FAM210B: variants seen among roughly 807,000 people sequenced by gnomAD.
FAM210B encodes family with sequence similarity 210 member B.
FAM210B carries 11 observed loss-of-function variants against 14.9 expected under a neutral mutation model. The observed-to-expected ratio is 0.74, with a 90% CI of 0.46 to 1.22. FAM210B has a LOEUF of 1.22. Among genes scored for constraint, FAM210B ranks in the 50% most tolerant of loss-of-function variants. The pLI is 0.00. For synonymous variants in FAM210B, 113 were observed against 110.2 expected, an observed-to-expected ratio of 1.03 and a Z score of -0.16; for missense variants, 229 against 250.1, an observed-to-expected ratio of 0.92 and a Z score of 0.57.
At position 56,361,705 on chromosome 20, in the gene FAM210B, G is replaced by C. The variant is rs529144585; in HGVS notation, c.186+2514G>C. On this transcript the variant is annotated intron_variant, in intron 1 of 2. Transcript: ENST00000371384. ...TAAAATTAGAGATGAGGCCGGGCGC[G>C]GTGGCTCACGCCTGTAATCCCAGCA... 1.1e-4 allele frequency among the ~76,000 whole-genome samples: 16 copies of C among 152,216 alleles called. No individual in the cohort carries two copies. The South Asian group carries it at 3.3e-3, about 32-fold the overall frequency.
intron 1 of FAM210B, among the ~76,000 whole-genome samples, chr20:56,361,848 G>A (rs780657140): frequency 5.9e-5 from 9 of 151,936 alleles, no homozygotes; most frequent in Non-Finnish European, 1.0e-4. Flanking sequence ...ATAGTGGCAC[G>A]TGCCTGTAGT....
In FAM210B at chr20:56,366,487, A is replaced by G. The variant is rs948107065; in HGVS notation, c.*200A>G. ...TTGCCTCATAAATTTTGTGAATGCT[A>G]TTCATTATAGGGCTTGTATATATAA... On this transcript the variant is annotated 3_prime_UTR_variant, in exon 3 of 3. Transcript: ENST00000371384. 1 of 586,214 alleles carries G rather than the reference A, an allele frequency of 1.7e-6. No individual in the cohort carries two copies. The highest frequency in any genetic ancestry group is 3.1e-5 in the Admixed American group (1 of 32,316). 36.3% of individuals were successfully genotyped at this position (586,214 alleles called of 1,614,324 possible). A position where few individuals can be genotyped will look rare whatever the true frequency, so the allele number is the denominator to read the frequency against.
At position 56,366,308 on chromosome 20, in the gene FAM210B, A is replaced by G; in HGVS notation, c.*21A>G. On this transcript the variant is annotated 3_prime_UTR_variant, in exon 3 of 3. Coordinates refer to ENST00000371384, the MANE Select transcript of FAM210B (RefSeq NM_080821.3). ...CTTAATGAACTCTTCAGTCGTACAC[A>G]CTGAAAACCTATTTCTTCTAAATTA... The G allele has an allele frequency of 6.2e-7, 1 of 1,605,190 alleles. No homozygotes were observed. The highest frequency in any genetic ancestry group is 8.5e-7 in the Non-Finnish European group (1 of 1,172,320).
rs1336420090 is a variant in FAM210B, at chr20:56,368,457, A to C, written c.*2170A>C. On this transcript the variant is annotated 3_prime_UTR_variant, in exon 3 of 3. Transcript: ENST00000371384. Reference sequence around the variant, plus strand: ...GCAAGCAATAAAACAAATCATACCAAAAAGCCACATTGCTCTCTCCTAAGC... The same window carrying C: ...GCAAGCAATAAAACAAATCATACCACAAAGCCACATTGCTCTCTCCTAAGC... The C allele has an allele frequency of 2.0e-5, 3 of 152,234 alleles. No homozygotes were observed. Among genetic ancestry groups the C allele is most frequent in the Non-Finnish European group, 4.4e-5 (3 of 68,048 alleles). The allele number at this position is 152,234 out of a possible 1,614,324, so 9.4% of individuals were successfully genotyped here.
intron 1 of FAM210B, among the ~76,000 whole-genome samples, chr20:56,361,597 C>A (rs931393488): frequency 1.3e-5 from 2 of 152,170 alleles, no homozygotes; most frequent in African/African-American, 2.4e-5. Context: ...CCTCTCTGGG[C>A]TTCTCAGATC....
rs1367530272 is a variant in FAM210B at position 56,366,350 on chromosome 20, T to G, written c.*63T>G. 4.7e-6 allele frequency: 7 copies of G among 1,503,286 alleles called. No homozygotes were observed. The highest frequency in any genetic ancestry group is 5.5e-6 in the Non-Finnish European group (6 of 1,089,472). 93.1% of individuals were successfully genotyped at this position (1,503,286 alleles called of 1,614,324 possible). Reference sequence around the variant, plus strand: ...TCTAAATTACATGATTTGGATTGGTTTTAGGGTTTTAGGGTTGTAGGGTTT... The same window carrying G: ...TCTAAATTACATGATTTGGATTGGTGTTAGGGTTTTAGGGTTGTAGGGTTT... On this transcript the variant is annotated 3_prime_UTR_variant, in exon 3 of 3. Transcript: ENST00000371384.
rs139607043 is a variant in FAM210B, at chr20:56,364,080, G to T, written c.187-1007G>T. Among the ~76,000 whole-genome samples the T allele has an allele frequency of 2.6e-3, 391 of 152,308 alleles. 4 individuals carry two copies. Among genetic ancestry groups the T allele is most frequent in the African/African-American group, 8.8e-3 (364 of 41,566 alleles). ...ACCACCTGGCTCAGAGAAAATGCTT[G>T]ATAAAGGATCATTGTCCCCAAGCTT... On this transcript the variant is annotated intron_variant, in intron 1 of 2. Coordinates refer to ENST00000371384, the MANE Select transcript of FAM210B (RefSeq NM_080821.3).
Position 56,359,023 on chromosome 20 carries a change from G to A in FAM210B, c.18G>A (p.Ala6=), listed in dbSNP as rs1402649646. Residue 6 remains alanine (A), a synonymous_variant, in exon 1 of 3, where the codon GCG becomes GCA. Transcript: ENST00000371384. This position sits in a 1 kb window ranked among gnomAD's most constrained non-coding sequence, Gnocchi z 4.3. MAGLL[A]LLGPAGRVGA... is the part of the protein sequence containing the mutation. ...TGCGCACCATGGCCGGGTTGCTGGC[G>A]TTGCTGGGTCCGGCAGGCAGGGTGG... 3 of 1,339,428 alleles carry A rather than the reference G, an allele frequency of 2.2e-6. No individual in the cohort carries two copies. Among genetic ancestry groups the A allele is most frequent in the South Asian group, 1.7e-5 (1 of 60,508 alleles). 83.0% of individuals were successfully genotyped at this position (1,339,428 alleles called of 1,614,324 possible). A position where few individuals can be genotyped will look rare whatever the true frequency, so the allele number is the denominator to read the frequency against.
In FAM210B at chr20:56,365,933, T is replaced by G. The variant is rs1399084267; in HGVS notation, c.363-138T>G. 9.9e-6 allele frequency: 6 copies of G among 605,232 alleles called. No individual in the cohort carries two copies. In the East Asian group the frequency reaches 1.6e-4, roughly 16 times the overall value. The allele number at this position is 605,232 out of a possible 1,614,324, so 37.5% of individuals were successfully genotyped here. The stretch of plus-strand genomic sequence containing the variant: ...TGCTAGGATTACAGGCGTGAGCCAC[T>G]GCACCTGGCCACTAAGACTTTTATT... On this transcript the variant is annotated intron_variant, in intron 2 of 2. Coordinates refer to ENST00000371384, the MANE Select transcript of FAM210B (RefSeq NM_080821.3).
chr20:56,359,062 G>A lies in FAM210B; in HGVS notation c.57G>A (p.Arg19=). 1 of 1,356,480 alleles carries A rather than the reference G, an allele frequency of 7.4e-7. No homozygotes were observed. Among genetic ancestry groups the A allele is most frequent in the Non-Finnish European group, 9.5e-7 (1 of 1,049,514 alleles). 84.0% of individuals were successfully genotyped at this position (1,356,480 alleles called of 1,614,324 possible). A position where few individuals can be genotyped will look rare whatever the true frequency, so the allele number is the denominator to read the frequency against. Residue 19 remains arginine, a synonymous_variant, in exon 1 of 3, where the codon CGG becomes CGA. Coordinates refer to ENST00000371384, the MANE Select transcript of FAM210B (RefSeq NM_080821.3). The surrounding 1 kb of genome is among the most constrained non-coding windows in gnomAD (Gnocchi z 4.3). ...GPAGRVGARV[R]PRATWLLGAT... is the part of the protein sequence containing the mutation. ...CAGGCAGGGTGGGCGCCCGGGTCCG[G>A]CCTCGCGCCACCTGGCTCCTGGGCG...
rs148836702 is a variant in FAM210B, at chr20:56,365,092, C to T, written c.192C>T (p.Pro64=). Residue 64 remains proline, a synonymous_variant, in exon 2 of 3, where the codon CCC becomes CCT. Transcript: ENST00000371384. ...CTTCTCTGATTTGTACACAGGACCCCAGCCAGGCCACGGGGACAACAGGCA... is the reference window on the plus strand; with the variant it reads ...CTTCTCTGATTTGTACACAGGACCCTAGCCAGGCCACGGGGACAACAGGCA... ...ARGDCRGHQD[P]SQATGTTGSS... is the part of the protein sequence containing the mutation. The T allele has an allele frequency of 2.2e-3, 3,522 of 1,612,740 alleles. 10 individuals carry two copies. The highest frequency in any genetic ancestry group is 3.7e-3 in the South Asian group (336 of 90,976).
In FAM210B at chr20:56,366,437, C is replaced by T; in HGVS notation, c.*150C>T. ...ATGGATAAACTTTGCCAGCAAAAAT[C>T]AGGCTTTTGAACAATTTTAATTTTT... On this transcript the variant is annotated 3_prime_UTR_variant, in exon 3 of 3. Coordinates refer to ENST00000371384, the MANE Select transcript of FAM210B (RefSeq NM_080821.3). The T allele has an allele frequency of 5.5e-6, 4 of 723,024 alleles. No individual in the cohort carries two copies. The highest frequency in any genetic ancestry group is 3.2e-4 in the Middle Eastern group (1 of 3,078). 44.8% of individuals were successfully genotyped at this position (723,024 alleles called of 1,614,324 possible).
chr20:56,361,442 G>A (rs1195128968), intron 1 of FAM210B, among the ~76,000 whole-genome samples: 3 of 152,146 alleles, frequency 2.0e-5, no homozygotes, highest in African/African-American at 7.2e-5. Context: ...ACTGAGAACA[G>A]TGCCTGGCAC....
rs1983688329 is a variant in FAM210B, at chr20:56,368,185, A to T, written c.*1898A>T. The T allele has an allele frequency of 6.6e-6, 1 of 152,664 alleles. No homozygotes were observed. Among genetic ancestry groups the T allele is most frequent in the Non-Finnish European group, 1.5e-5 (1 of 68,046 alleles). The allele number at this position is 152,664 out of a possible 1,614,324, so 9.5% of individuals were successfully genotyped here. A position where few individuals can be genotyped will look rare whatever the true frequency, so the allele number is the denominator to read the frequency against. Reference sequence around the variant, plus strand: ...GATCTAATTCCAAGGACTTCTCCACAGCTAAGTGAGATGCCTCACACCATT... The same window carrying T: ...GATCTAATTCCAAGGACTTCTCCACTGCTAAGTGAGATGCCTCACACCATT... On this transcript the variant is annotated 3_prime_UTR_variant, in exon 3 of 3. Coordinates refer to ENST00000371384, the MANE Select transcript of FAM210B (RefSeq NM_080821.3).
Position 56,359,233 on chromosome 20 carries a change from G to C in FAM210B, c.186+42G>C. The C allele has an allele frequency of 3.3e-6, 4 of 1,218,806 alleles. No individual in the cohort carries two copies. Among genetic ancestry groups the C allele is most frequent in the Non-Finnish European group, 4.1e-6 (4 of 980,186 alleles). 75.5% of individuals were successfully genotyped at this position (1,218,806 alleles called of 1,614,324 possible). A position where few individuals can be genotyped will look rare whatever the true frequency, so the allele number is the denominator to read the frequency against. On this transcript the variant is annotated intron_variant, in intron 1 of 2. Transcript: ENST00000371384. The surrounding 1 kb of genome is among the most constrained non-coding windows in gnomAD (Gnocchi z 4.3). ...GACCCTGATCCCGGGCGGTGTCCAG[G>C]TCCCCAGACGTCCGCAGGGCCGCGC... is the stretch of plus-strand genomic sequence containing the variant.
At chr20:56,364,371 C>T (rs552228676) in intron 1 of FAM210B, among the ~76,000 whole-genome samples, 6 of 152,326 alleles carry the variant, frequency 3.9e-5, no homozygotes, top group African/African-American at 1.4e-4. Flanking sequence ...ATCTTCAGCT[C>T]TCTCACTCTG....
At chr20:56,361,252 C>A (rs1042993511) in intron 1 of FAM210B, among the ~76,000 whole-genome samples, 3 of 152,086 alleles carry the variant, frequency 2.0e-5, no homozygotes, top group African/African-American at 7.3e-5. Flanking sequence ...TCCCTGATGG[C>A]CTTATTTAAC....
In FAM210B at chr20:56,365,994, T is replaced by TGCTG; in HGVS notation, c.363-77_363-76insGCTG. On this transcript the variant is annotated intron_variant, in intron 2 of 2. Coordinates refer to ENST00000371384, the MANE Select transcript of FAM210B (RefSeq NM_080821.3). ...CTTCATTACATTTTTTAAAATACTG[T>TGCTG]AAATCTTATAGCCAAATCAATTTCT... 2.1e-6 allele frequency: 2 copies of TGCTG among 955,162 alleles called. 1 individual carries two copies. The highest frequency in any genetic ancestry group is 3.0e-6 in the Non-Finnish European group (2 of 670,290). 59.2% of individuals were successfully genotyped at this position (955,162 alleles called of 1,614,324 possible).
chr20:56,364,717 G>A (rs1378757065), intron 1 of FAM210B, among the ~76,000 whole-genome samples: 1 of 152,084 alleles, frequency 6.6e-6, no homozygotes, highest in Non-Finnish European at 1.5e-5. Context: ...CACTTTGGGA[G>A]GCCAAGGCGG....
Sources: allele counts gnomAD v4.1 joint callset (sites outside exome capture counted in the v4.1 genomes callset), GRCh38; gene constraint gnomAD v4.1.1; non-coding constraint Gnocchi (gnomAD v3.1); transcripts MANE v1.5; gene names NCBI Gene and HGNC (gene_info 2026-07-23, HGNC 2026-07-21).